The following ICA1 variants were observed in gnomAD, a reference collection of about 807,000 sequenced individuals.
The protein encoded by ICA1 is islet cell autoantigen 1.
In ICA1, 40 loss-of-function variants were observed where a neutral mutation model predicts 71.0. The ratio of observed to expected loss-of-function variants is 0.56; its 90% confidence interval spans 0.44 to 0.73. The LOEUF is 0.73. Among genes scored for constraint, ICA1 ranks in the 30% least tolerant of loss-of-function variants. The pLI, the probability that ICA1 is intolerant of heterozygous loss-of-function variation, is 0.00. For synonymous variants in ICA1, 207 were observed against 209.5 expected, an observed-to-expected ratio of 0.99 and a Z score of 0.10; for missense variants, 578 against 576.5, an observed-to-expected ratio of 1.00 and a Z score of -0.03.
chr7:8,260,494 C>G (rs1020015474), intron 1 of ICA1, among the ~76,000 whole-genome samples: 7 of 152,194 alleles, frequency 4.6e-5, no homozygotes, highest in Non-Finnish European at 8.8e-5. Flanking sequence ...CATCAGGTCT[C>G]TCCACAAATA....
In ICA1 at chr7:8,142,101, C is replaced by G. The variant is rs1232709596; in HGVS notation, c.903-284G>C. 4 of 954,924 alleles carry G rather than the reference C, an allele frequency of 4.2e-6. No homozygotes were observed. The Admixed American group carries it at 1.2e-4, about 28-fold the overall frequency. The allele number at this position is 954,924 out of a possible 1,614,324, so 59.2% of individuals were successfully genotyped here. A position where few individuals can be genotyped will look rare whatever the true frequency, so the allele number is the denominator to read the frequency against. The stretch of plus-strand genomic sequence containing the variant: ...AAATAAGATAGACGCATACAGTTAT[C>G]ACCTTAAAAATAGTAAAAATTGATA... On this transcript the variant is annotated intron_variant, in intron 9 of 13. Transcript: ENST00000402384.
chr7:8,122,800 A>C (rs1787533199), intron 13 of ICA1, among the ~76,000 whole-genome samples: 1 of 152,266 alleles, frequency 6.6e-6, no homozygotes, highest in Non-Finnish European at 1.5e-5. Context: ...ACCGTGAAGG[A>C]ACACAAGGCT....
At chr7:8,216,172 C>T (rs1795336646) in intron 6 of ICA1, among the ~76,000 whole-genome samples, 1 of 152,192 alleles carries the variant, frequency 6.6e-6, no homozygotes, top group Admixed American at 6.5e-5. Context: ...ATGGGTGTGG[C>T]ACTTCCAAAT....
At chr7:8,198,410 T>C (rs548798303) in intron 6 of ICA1, among the ~76,000 whole-genome samples, 1 of 152,290 alleles carries the variant, frequency 6.6e-6, no homozygotes, top group South Asian at 2.1e-4. Context: ...AAACCCTAGA[T>C]TTGGACCAGA....
At chr7:8,241,033 G>C (rs1005686726) in intron 1 of ICA1, among the ~76,000 whole-genome samples, 3 of 152,074 alleles carry the variant, frequency 2.0e-5, no homozygotes, top group African/African-American at 7.2e-5. Context: ...TAGCAAGGCA[G>C]GCCAATATTC....
chr7:8,247,263 T>C (rs753554980), intron 1 of ICA1, among the ~76,000 whole-genome samples: 2 of 151,996 alleles, frequency 1.3e-5, no homozygotes, highest in African/African-American at 2.4e-5. Flanking sequence ...ACCAGCCTTG[T>C]GAACACAGTG....
intron 3 of ICA1, among the ~76,000 whole-genome samples, chr7:8,229,379 G>C (rs1040428162): frequency 2.6e-5 from 4 of 152,148 alleles, no homozygotes; most frequent in Non-Finnish European, 4.4e-5. Flanking sequence ...AATGCGTGGC[G>C]GTTCCAGCCT....
intron 1 of ICA1, among the ~76,000 whole-genome samples, chr7:8,247,125 G>C (rs939412481): frequency 1.3e-5 from 2 of 149,978 alleles, no homozygotes; most frequent in Non-Finnish European, 3.0e-5. Context: ...TACAGCAATC[G>C]TCCCACTTGT....
At chr7:8,235,334 C>T (rs3807816) in intron 2 of ICA1, among the ~76,000 whole-genome samples, 71,569 of 151,916 alleles carry the variant, frequency 0.47, 18,062 homozygotes, top group African/African-American at 0.64. Context: ...CTGGACCTTA[C>T]AAGAGGTTTA....
intron 1 of ICA1, among the ~76,000 whole-genome samples, chr7:8,237,109 C>A (rs996444506): frequency 2.0e-5 from 3 of 152,190 alleles, no homozygotes; most frequent in African/African-American, 2.4e-5. Context: ...TCCAGAGTGT[C>A]AGATGCCTCT....
intron 6 of ICA1, among the ~76,000 whole-genome samples, chr7:8,168,729 C>A (rs1332994651): frequency 6.6e-6 from 1 of 152,130 alleles, no homozygotes; most frequent in African/African-American, 2.4e-5. Context: ...CCATCAAATT[C>A]CCTCAAGTGC....
intron 8 of ICA1, among the ~76,000 whole-genome samples, chr7:8,153,260 C>T (rs554762089): frequency 6.6e-5 from 10 of 152,298 alleles, no homozygotes; most frequent in South Asian, 4.1e-4. Context: ...AGAGACATCT[C>T]ACAGGAATCC....
chr7:8,253,321 T>C (rs1376339037), intron 1 of ICA1, among the ~76,000 whole-genome samples: 1 of 152,206 alleles, frequency 6.6e-6, no homozygotes, highest in Non-Finnish European at 1.5e-5. Flanking sequence ...TTTTTACAAG[T>C]TTAAAAAGGT....
At chr7:8,149,454 T>C (rs560316934) in intron 8 of ICA1, among the ~76,000 whole-genome samples, 145 of 152,326 alleles carry the variant, frequency 9.5e-4, no homozygotes, top group African/African-American at 3.4e-3. Flanking sequence ...GTATGTAAGA[T>C]CAGCGTGACA....
At chr7:8,190,390 T>C (rs1274076679) in intron 6 of ICA1, among the ~76,000 whole-genome samples, 1 of 152,158 alleles carries the variant, frequency 6.6e-6, no homozygotes, top group African/African-American at 2.4e-5. Flanking sequence ...AAACATTCCA[T>C]AAACTCACAA....
At chr7:8,165,720 C>T (rs915765274) in intron 6 of ICA1, among the ~76,000 whole-genome samples, 3 of 152,102 alleles carry the variant, frequency 2.0e-5, no homozygotes, top group Admixed American at 2.0e-4. Context: ...CATTTATATA[C>T]ACCAACAACA....
chr7:8,124,487 T>C lies in ICA1; in HGVS notation c.1330+3386A>G, dbSNP rs1373363112. Among the ~76,000 whole-genome samples the C allele has an allele frequency of 7.9e-5, 12 of 151,512 alleles. No individual in the cohort carries two copies. In the East Asian group the frequency reaches 2.1e-3, roughly 27 times the overall value. ...AAAAAAAAACTCAAGCTAACATTCA[T>C]CCTTTCCTCTTTTTTGAGGGGATTG... On this transcript the variant is annotated intron_variant, in intron 13 of 13. Coordinates refer to ENST00000402384, the MANE Select transcript of ICA1 (RefSeq NM_001136020.3).
chr7:8,228,219 A>G (rs1458782501), intron 4 of ICA1, among the ~76,000 whole-genome samples: 8 of 152,240 alleles, frequency 5.3e-5, no homozygotes, highest in African/African-American at 1.7e-4. Flanking sequence ...TGTCATCAAC[A>G]AATCAACTGT....
intron 13 of ICA1, among the ~76,000 whole-genome samples, chr7:8,118,079 C>T (rs988528924): frequency 6.6e-6 from 1 of 152,062 alleles, no homozygotes; most frequent in Non-Finnish European, 1.5e-5. Flanking sequence ...TCTTTTAAAC[C>T]GTGAGTATAC....
Sources: gnomAD v4.1 joint callset for allele counts (sites outside exome capture counted in the v4.1 genomes callset) on GRCh38, gnomAD v4.1.1 for gene constraint, MANE v1.5 for transcripts, NCBI Gene and HGNC (gene_info 2026-07-23, HGNC 2026-07-21) for gene names.